Variants in SLC36A2 observed in about 807,000 individuals in gnomAD.
The protein encoded by SLC36A2 is solute carrier family 36 member 2, also known as proton-coupled amino acid transporter 2.
Under a neutral mutation model 42.7 loss-of-function variants are expected in SLC36A2, and 39 were observed. The ratio of observed to expected loss-of-function variants is 0.91; its 90% CI spans 0.71 to 1.19. The LOEUF is 1.19. SLC36A2 is among the 50% of genes most tolerant of loss of function. SLC36A2 has a pLI of 0.00. For missense variants in SLC36A2, 590 were observed against 613.7 expected, an observed-to-expected ratio of 0.96 and a Z score of 0.41; for synonymous variants, 237 against 240.8, an observed-to-expected ratio of 0.98 and a Z score of 0.15.
chr5:151,338,093 T>C (rs1756208963), intron 5 of SLC36A2, among the ~76,000 whole-genome samples: 1 of 152,192 alleles, frequency 6.6e-6, no homozygotes. Context: ...GTCATGGAGA[T>C]AATTCAATGA....
intron 5 of SLC36A2, chr5:151,338,641 G>A (rs578133136): frequency 7.9e-5 from 15 of 190,522 alleles, no homozygotes; most frequent in South Asian, 2.0e-4. Flanking sequence ...TCACCACTGC[G>A]CTCCAGCCTG....
chr5:151,319,402 A>T (rs1755618910), intron 9 of SLC36A2: 1 of 153,512 alleles, frequency 6.5e-6, no homozygotes, highest in African/African-American at 2.4e-5. Flanking sequence ...TGGCCTAGAA[A>T]AGTGAAAATC....
At chr5:151,337,646 CTCAGTAATTTTACCT>C (rs894564575) in intron 5 of SLC36A2, among the ~76,000 whole-genome samples, 3 of 152,122 alleles carry the variant, frequency 2.0e-5, no homozygotes, top group Non-Finnish European at 4.4e-5. Context: ...AACTCTTTGA[CTCAGTAATTTTACCT>C]TAAGAAACAT....
At chr5:151,336,176 G>A (rs1479977536) in intron 5 of SLC36A2, among the ~76,000 whole-genome samples, 1 of 152,186 alleles carries the variant, frequency 6.6e-6, no homozygotes, top group African/African-American at 2.4e-5. Flanking sequence ...TTTGAGGACT[G>A]TAAATCACAG....
intron 3 of SLC36A2, 140 bp from the exon 4 acceptor site, chr5:151,343,123 C>A: frequency 1.4e-6 from 1 of 730,640 alleles, no homozygotes; most frequent in Non-Finnish European, 2.5e-6. Flanking sequence ...CGGGCTTTGA[C>A]ACTCAGCAGT....
chr5:151,335,580 G>T, intron 5 of SLC36A2, 33 bp from the exon 6 acceptor site: 4 of 1,468,556 alleles, frequency 2.7e-6, no homozygotes, highest in Non-Finnish European at 3.8e-6. Flanking sequence ...AAAAGGGGGA[G>T]ATGATGAGTC....
intron 5 of SLC36A2, among the ~76,000 whole-genome samples, chr5:151,337,326 A>AC (rs1012722062): frequency 6.6e-6 from 1 of 151,388 alleles, no homozygotes; most frequent in African/African-American, 2.4e-5. Flanking sequence ...CAGATGCACC[A>AC]CCCCCCGGAG....
intron 9 of SLC36A2, among the ~76,000 whole-genome samples, chr5:151,318,328 G>A (rs1755562356): frequency 6.6e-6 from 1 of 151,124 alleles, no homozygotes; most frequent in Non-Finnish European, 1.5e-5. Flanking sequence ...TGTACAAACT[G>A]TCAATGTTTG....
rs1314039598 is a variant in SLC36A2, at chr5:151,325,306, G to T, written c.990C>A (p.Ser330Arg). The stretch of plus-strand genomic sequence containing the variant: ...GATACCAGCAGTTAGGCAGGTTAAG[G>T]CTTATGCTGGCCTTGATGTCATCTC... ...RFGDDIKASISLNLPNCWLYQ... is the reference protein window; with the variant it reads ...RFGDDIKASIRLNLPNCWLYQ... The change falls in exon 8 of 10, where the codon AGC (serine) becomes AGA (arginine). Residue 330 changes from serine to arginine, a missense_variant. Transcript: ENST00000335244. The T allele has an allele frequency of 1.9e-6, 3 of 1,613,590 alleles. No individual in the cohort carries two copies. The highest frequency in any genetic ancestry group is 2.5e-6 in the Non-Finnish European group (3 of 1,179,778).
At position 151,315,250 on chromosome 5, in the gene SLC36A2, T is replaced by C. The variant is rs1159703085; in HGVS notation, c.*1567A>G. On this transcript the variant is annotated 3_prime_UTR_variant, in exon 10 of 10. Coordinates refer to ENST00000335244, the MANE Select transcript of SLC36A2 (RefSeq NM_181776.3). ...GAGCAGCAAGTGATGTAAGTCCTGA[T>C]GCATAGGTTATTACCAAACCTCTGA... The C allele has an allele frequency of 6.6e-6, 1 of 152,646 alleles. No individual in the cohort carries two copies. The highest frequency in any genetic ancestry group is 1.5e-5 in the Non-Finnish European group (1 of 68,048). The allele number at this position is 152,646 out of a possible 1,614,324, so 9.5% of individuals were successfully genotyped here. A position where few individuals can be genotyped will look rare whatever the true frequency, so the allele number is the denominator to read the frequency against.
intron 5 of SLC36A2, among the ~76,000 whole-genome samples, chr5:151,335,771 G>A (rs969566699): frequency 1.3e-5 from 2 of 152,166 alleles, no homozygotes; most frequent in Non-Finnish European, 2.9e-5. Flanking sequence ...GCTCACGCCT[G>A]TAATCCCAGC....
intron 4 of SLC36A2, 128 bp downstream of exon 4, chr5:151,342,760 C>T: frequency 1.3e-6 from 1 of 745,300 alleles, no homozygotes; most frequent in South Asian, 1.5e-5. Context: ...CCAATGAACC[C>T]CTTCCATGTA....
chr5:151,320,702 C>A (rs1755661136), intron 9 of SLC36A2, among the ~76,000 whole-genome samples: 1 of 152,190 alleles, frequency 6.6e-6, no homozygotes, highest in Non-Finnish European at 1.5e-5. Flanking sequence ...TCAAGGAGCC[C>A]CAGCTGATTG....
intron 7 of SLC36A2, among the ~76,000 whole-genome samples, chr5:151,326,544 C>T (rs1755855722): frequency 1.3e-5 from 2 of 152,316 alleles, no homozygotes; most frequent in African/African-American, 4.8e-5. Flanking sequence ...TCTCAGAATC[C>T]TTCTTCCCCT....
At chr5:151,330,575 A>T (rs1755967889) in intron 7 of SLC36A2, among the ~76,000 whole-genome samples, 1 of 152,252 alleles carries the variant, frequency 6.6e-6, no homozygotes, top group African/African-American at 2.4e-5. Flanking sequence ...AAGGGAAATG[A>T]TGCCAGAAGG....
chr5:151,329,953 G>A (rs1755952669), intron 7 of SLC36A2, among the ~76,000 whole-genome samples: 1 of 152,048 alleles, frequency 6.6e-6, no homozygotes, highest in South Asian at 2.1e-4. Flanking sequence ...ATATACTCAG[G>A]TTCTGCAGGG....
rs58169831 is a variant in SLC36A2, at chr5:151,324,306, CTTATTTATTTATTTAT to C, written c.1010+964_1010+979del. 7.9e-3 allele frequency among the ~76,000 whole-genome samples: 1,111 copies of C among 140,910 alleles called. 12 individuals carry two copies. The highest frequency in any genetic ancestry group is 0.011 in the Non-Finnish European group (714 of 64,966). 92.4% of individuals were successfully genotyped at this position (140,910 alleles called of 152,430 possible). A position where few individuals can be genotyped will look rare whatever the true frequency, so the allele number is the denominator to read the frequency against. On this transcript the variant is annotated intron_variant, in intron 8 of 9. Transcript: ENST00000335244. ...TATAGGTGTGTGCCACCATGCCTGG[CTTATTTATTTATTTAT>C]TTATTTATTTATTTATTTATTTATT...
intron 4 of SLC36A2, among the ~76,000 whole-genome samples, chr5:151,342,555 C>T (rs1756376509): frequency 6.6e-6 from 1 of 152,192 alleles, no homozygotes; most frequent in Admixed American, 6.5e-5. Flanking sequence ...TAATGTCTGC[C>T]TTTCTCACTG....
chr5:151,329,853 T>G (rs1197675884), intron 7 of SLC36A2, among the ~76,000 whole-genome samples: 2 of 152,146 alleles, frequency 1.3e-5, no homozygotes, highest in African/African-American at 4.8e-5. Context: ...GCGCAGGCCC[T>G]CAAATAGGTG....
Sources: gnomAD v4.1 joint callset for allele counts (sites outside exome capture counted in the v4.1 genomes callset) on GRCh38, gnomAD v4.1.1 for gene constraint, MANE v1.5 for transcripts, NCBI Gene and HGNC (gene_info 2026-07-23, HGNC 2026-07-21) for gene names.